Variants in MFAP2 observed in about 807,000 individuals in gnomAD.
The protein encoded by MFAP2 is microfibrillar-associated protein 2.
In MFAP2, 23 loss-of-function variants were observed where a neutral mutation model predicts 30.6. That is an observed-to-expected ratio of 0.75 (90% CI 0.54 to 1.07). The LOEUF is 1.07. Ranked by LOEUF, MFAP2 falls within the 50% of genes least tolerant of loss-of-function variation. The pLI is 0.00. For missense variants in MFAP2, 198 were observed against 223.8 expected (o/e 0.88, Z 0.74); for synonymous variants, 73 against 85.7 (o/e 0.85, Z 0.82).
At chr1:16,980,267 A>ACACC (rs1557656639) in intron 1 of MFAP2, among the ~76,000 whole-genome samples, 149 of 80,302 alleles carry the variant, frequency 1.9e-3, no homozygotes, top group South Asian at 2.3e-3. Flanking sequence ...TTCCCACCGG[A>ACACC]CCCCCCCCCC....
In MFAP2 at chr1:16,975,402, C is replaced by T. The variant is rs2076581532; in HGVS notation, c.375-60G>A. 11 of 1,572,372 alleles carry T rather than the reference C, an allele frequency of 7.0e-6. No individual in the cohort carries two copies. The highest frequency in any genetic ancestry group is 7.8e-6 in the Non-Finnish European group (9 of 1,149,040). Reference sequence around the variant, plus strand: ...CTTCCACCCAATCCCACTGGGATAGCCCAGACAGAACCTGGCACGGGAGCC... The same window carrying T: ...CTTCCACCCAATCCCACTGGGATAGTCCAGACAGAACCTGGCACGGGAGCC... On this transcript the variant is annotated intron_variant, in intron 7 of 8. Transcript: ENST00000375535. The surrounding 1 kb of genome is among the most constrained non-coding windows in gnomAD (Gnocchi z 5.0).
intron 1 of MFAP2, 30 bp from the exon 2 acceptor site, chr1:16,978,344 C>A: frequency 6.6e-7 from 1 of 1,518,736 alleles, no homozygotes; most frequent in Non-Finnish European, 8.9e-7. Context: ...AGAGCTCTAC[C>A]CAGGGCCACA....
chr1:16,977,487 T>C (rs991710761), intron 2 of MFAP2: 3 of 389,208 alleles, frequency 7.7e-6, no homozygotes, highest in Non-Finnish European at 1.4e-5. Context: ...CACCTGACAC[T>C]CCCTGGGCCT....
Position 16,976,733 on chromosome 1 carries a change from C to G in MFAP2, c.216G>C (p.Gln72His). 6.2e-7 allele frequency: 1 copy of G among 1,613,854 alleles called. No homozygotes were observed. The highest frequency in any genetic ancestry group is 1.1e-5 in the South Asian group (1 of 91,078). ...CTGGGGTTGGGGCTGGGATGACTTC[C>G]TGTTGGACTTGCTGCTGGGACTGGA... is the stretch of plus-strand genomic sequence containing the variant. The part of the protein sequence containing the change: ...FQFQSQQQVQ[Q>H]EVIPAPTPEP... Residue 72 changes from glutamine (Q) to histidine (H), a missense_variant, in exon 5 of 9, where the codon CAG becomes CAC. Transcript: ENST00000375535. This position sits in a 1 kb window ranked among gnomAD's most constrained non-coding sequence, Gnocchi z 5.5.
rs2076573643 is a variant in MFAP2 at position 16,974,617 on chromosome 1, ACTGT to A, written c.*299_*302del. 1 of 25,754 alleles carries A rather than the reference ACTGT, an allele frequency of 3.9e-5. No homozygotes were observed. Among genetic ancestry groups the A allele is most frequent in the Non-Finnish European group, 6.1e-5 (1 of 16,460 alleles). 1.6% of individuals were successfully genotyped at this position (25,754 alleles called of 1,614,324 possible). The stretch of plus-strand genomic sequence containing the variant: ...GGGGGGATGTAGCCTACCTCGGGGG[ACTGT>A]CTGTCCTCAAAACGGGCTGAGAAGG... On this transcript the variant is annotated 3_prime_UTR_variant, in exon 9 of 9. Transcript: ENST00000375535.
chr1:16,977,410 C>CT, intron 2 of MFAP2: 1 of 562,978 alleles, frequency 1.8e-6, no homozygotes, highest in Non-Finnish European at 3.2e-6. Flanking sequence ...TACCCTGCCC[C>CT]TTCCTGTTGC....
chr1:16,975,364 G>C lies in MFAP2; in HGVS notation c.375-22C>G. On this transcript the variant is annotated intron_variant, in intron 7 of 8. Transcript: ENST00000375535. The surrounding 1 kb of genome is among the most constrained non-coding windows in gnomAD (Gnocchi z 5.0). ...GAGGCTGCGGGGACAGGGCACGGGA[G>C]GTCTCAGCCCCACTTCCACCCAATC... 1 of 1,610,918 alleles carries C rather than the reference G, an allele frequency of 6.2e-7. No individual in the cohort carries two copies. Among genetic ancestry groups the C allele is most frequent in the East Asian group, 2.2e-5 (1 of 44,864 alleles).
chr1:16,976,957 G>A lies in MFAP2; in HGVS notation c.128-34C>T. ...AAAGATGAAAGTGGAATTGGTGGGA[G>A]TAAGGCTAATCCCCCAGCCCCTGGG... On this transcript the variant is annotated intron_variant, in intron 3 of 8. Transcript: ENST00000375535. The surrounding 1 kb of genome is among the most constrained non-coding windows in gnomAD (Gnocchi z 5.5). 6.2e-7 allele frequency: 1 copy of A among 1,614,096 alleles called. No homozygotes were observed.
chr1:16,977,059 G>GTC, intron 3 of MFAP2, 50 bp downstream of exon 3: 1 of 1,612,902 alleles, frequency 6.2e-7, no homozygotes, highest in Non-Finnish European at 8.5e-7. Context: ...CCCTGGCTGA[G>GTC]CCAGGCACAT....
At position 16,976,027 on chromosome 1, in the gene MFAP2, C is replaced by T. The variant is rs573209907; in HGVS notation, c.287-297G>A. 1.4e-4 allele frequency: 69 copies of T among 476,078 alleles called. No individual in the cohort carries two copies. Among genetic ancestry groups the T allele is most frequent in the Non-Finnish European group, 2.5e-4 (66 of 263,318 alleles). The allele number at this position is 476,078 out of a possible 1,614,324, so 29.5% of individuals were successfully genotyped here. On this transcript the variant is annotated intron_variant, in intron 6 of 8. Transcript: ENST00000375535. This position sits in a 1 kb window ranked among gnomAD's most constrained non-coding sequence, Gnocchi z 5.5. ...ACCAACTCCCGAGCAGACGTGCCCACGCTCACAGAAGCCCACATAGGAGCG... is the reference window on the plus strand; with the variant it reads ...ACCAACTCCCGAGCAGACGTGCCCATGCTCACAGAAGCCCACATAGGAGCG...
In MFAP2 at chr1:16,976,843, G is replaced by A. The variant is rs781464266; in HGVS notation, c.155-49C>T. On this transcript the variant is annotated intron_variant, in intron 4 of 8. Transcript: ENST00000375535. The surrounding 1 kb of genome is among the most constrained non-coding windows in gnomAD (Gnocchi z 5.5). The stretch of plus-strand genomic sequence containing the variant: ...GGTCTGCTCCCTCTACCCCTCCCAG[G>A]GGGTCTCCCCACCCCAGCTGCCGGC... The A allele has an allele frequency of 2.5e-6, 4 of 1,613,908 alleles. No individual in the cohort carries two copies. The African/African-American group carries it at 5.3e-5, about 22-fold the overall frequency.
intron 2 of MFAP2, chr1:16,977,878 G>A (rs2076605902): frequency 3.7e-6 from 1 of 270,736 alleles, no homozygotes; most frequent in Non-Finnish European, 7.2e-6. Context: ...GAAGGGCCCT[G>A]AATGGATCTA....
chr1:16,977,482 G>T (rs2076603055), intron 2 of MFAP2: 1 of 413,612 alleles, frequency 2.4e-6, no homozygotes, highest in Admixed American at 3.9e-5. Context: ...CTTTGCACCT[G>T]ACACTCCCTG....
intron 1 of MFAP2, among the ~76,000 whole-genome samples, chr1:16,978,580 G>A (rs2076612215): frequency 6.6e-6 from 1 of 152,162 alleles, no homozygotes; most frequent in Admixed American, 6.5e-5. Flanking sequence ...TCAGGGAAGG[G>A]CGGACCCTGC....
chr1:16,976,819 G>A lies in MFAP2; in HGVS notation c.155-25C>T. 3 of 1,614,052 alleles carry A rather than the reference G, an allele frequency of 1.9e-6. No homozygotes were observed. Among genetic ancestry groups the A allele is most frequent in the East Asian group, 4.5e-5 (2 of 44,866 alleles). On this transcript the variant is annotated intron_variant, in intron 4 of 8. Coordinates refer to ENST00000375535, the MANE Select transcript of MFAP2 (RefSeq NM_002403.4). This position sits in a 1 kb window ranked among gnomAD's most constrained non-coding sequence, Gnocchi z 5.5. ...TCTGCAGCCAGGGGAGGATAAGGGG[G>A]TCTGCTCCCTCTACCCCTCCCAGGG... is the stretch of plus-strand genomic sequence containing the variant.
rs777421836 is a variant in MFAP2 at position 16,975,379 on chromosome 1, T to A, written c.375-37A>T. ...GGGCACGGGAGGTCTCAGCCCCACT[T>A]CCACCCAATCCCACTGGGATAGCCC... On this transcript the variant is annotated intron_variant, in intron 7 of 8. Transcript: ENST00000375535. This position sits in a 1 kb window ranked among gnomAD's most constrained non-coding sequence, Gnocchi z 5.0. 2 of 1,603,492 alleles carry A rather than the reference T, an allele frequency of 1.2e-6. No homozygotes were observed. Among genetic ancestry groups the A allele is most frequent in the African/African-American group, 2.7e-5 (2 of 74,528 alleles).
In MFAP2 at chr1:16,975,280, T is replaced by A; in HGVS notation, c.437A>T (p.Glu146Val). The A allele has an allele frequency of 1.2e-6, 2 of 1,613,548 alleles. No individual in the cohort carries two copies. The highest frequency in any genetic ancestry group is 1.7e-4 in the Middle Eastern group (1 of 6,054). The stretch of plus-strand genomic sequence containing the variant: ...GGTGGCCTTCCTACCTCGGAGGAGC[T>A]CCTCATGGGCACACACTGTACGAAC... ...ICVRTVCAHEELLRADLCRDK... is the reference protein window; with the variant it reads ...ICVRTVCAHEVLLRADLCRDK... The change falls in exon 8 of 9, where the codon GAG (glutamate) becomes GTG (valine). Residue 146 changes from glutamate to valine, a missense_variant. Physicochemically the swap from Glu to Val is moderately radical, Grantham distance 121. Coordinates refer to ENST00000375535, the MANE Select transcript of MFAP2 (RefSeq NM_002403.4). This position sits in a 1 kb window ranked among gnomAD's most constrained non-coding sequence, Gnocchi z 5.0.
rs563955240 is a variant in MFAP2, at chr1:16,978,250, C to G, written c.24G>C (p.Leu8=). ...GGAGCCACTTACCAGGCAGGAATAG[C>G]AGGAAGAGGTAGGCAGCTCTCATGG... MRAAYLF[L]LFLPAGLLAQ... Residue 8 remains leucine (L), a synonymous_variant, in exon 2 of 9, where the codon CTG becomes CTC. Transcript: ENST00000375535. The G allele has an allele frequency of 1.3e-6, 2 of 1,576,926 alleles. No homozygotes were observed. Among genetic ancestry groups the G allele is most frequent in the South Asian group, 2.3e-5 (2 of 85,796 alleles).
chr1:16,978,447 G>T (rs1007525134), intron 1 of MFAP2, 133 bp from the exon 2 acceptor site: 1 of 742,174 alleles, frequency 1.3e-6, no homozygotes, highest in Non-Finnish European at 2.2e-6. Flanking sequence ...GGCTGGAGTG[G>T]AGGGACATCC....
Sources: allele counts gnomAD v4.1 joint callset (sites outside exome capture counted in the v4.1 genomes callset), GRCh38; gene constraint gnomAD v4.1.1; non-coding constraint Gnocchi (gnomAD v3.1); transcripts MANE v1.5; gene names NCBI Gene and HGNC (gene_info 2026-07-23, HGNC 2026-07-21).